The following MAN1C1 variants were observed in gnomAD, a reference collection of about 807,000 sequenced individuals.
MAN1C1 encodes mannosyl-oligosaccharide 1,2-alpha-mannosidase IC.
A neutral mutation model predicts 71.5 loss-of-function variants in MAN1C1; 49 were observed. The observed-to-expected ratio is 0.69, with a 90% CI of 0.54 to 0.87. The LOEUF (loss-of-function observed/expected upper bound fraction) is 0.87, where lower values mean the gene tolerates loss of function less well. Ranked by LOEUF, MAN1C1 falls within the 40% of genes least tolerant of loss-of-function variation. MAN1C1 has a pLI of 0.00. For missense variants in MAN1C1, 743 were observed against 835.0 expected (o/e 0.89, Z 1.36); for synonymous variants, 352 against 343.7 (o/e 1.02, Z -0.27).
chr1:25,700,509 C>T (rs2046427848), intron 2 of MAN1C1, among the ~76,000 whole-genome samples: 2 of 152,142 alleles, frequency 1.3e-5, no homozygotes, highest in Admixed American at 1.3e-4. Flanking sequence ...CAGAGTTGGG[C>T]AGAGGATGTG....
intron 2 of MAN1C1, among the ~76,000 whole-genome samples, chr1:25,712,553 T>C (rs2124252104): frequency 6.6e-6 from 1 of 152,308 alleles, no homozygotes; most frequent in Non-Finnish European, 1.5e-5. Context: ...ATCCTGATGG[T>C]TCTAGCATGT....
chr1:25,687,967 CATGTT>C (rs1444169635), intron 2 of MAN1C1, among the ~76,000 whole-genome samples: 2 of 151,562 alleles, frequency 1.3e-5, no homozygotes, highest in African/African-American at 4.9e-5. Flanking sequence ...TTTTTGACTT[CATGTT>C]ATATCGTGTT....
chr1:25,619,575 C>G (rs2045173967), intron 1 of MAN1C1, among the ~76,000 whole-genome samples: 1 of 152,156 alleles, frequency 6.6e-6, no homozygotes, highest in South Asian at 2.1e-4. Context: ...ACTTAACTAG[C>G]AATCACAGGA....
intron 7 of MAN1C1, among the ~76,000 whole-genome samples, chr1:25,770,684 C>T (rs1054530816): frequency 5.3e-5 from 8 of 152,096 alleles, no homozygotes; most frequent in African/African-American, 1.9e-4. Flanking sequence ...TAGCTGTTGA[C>T]GTGTTCTCTC....
intron 1 of MAN1C1, among the ~76,000 whole-genome samples, chr1:25,661,421 AAT>A (rs1319364703): frequency 6.6e-6 from 1 of 152,238 alleles, no homozygotes; most frequent in Non-Finnish European, 1.5e-5. Flanking sequence ...AAGCAAAATA[AAT>A]ATGTTAACGG....
chr1:25,628,458 T>C (rs191425958), intron 1 of MAN1C1, among the ~76,000 whole-genome samples: 223 of 152,158 alleles, frequency 1.5e-3, no homozygotes, highest in African/African-American at 5.1e-3. Flanking sequence ...CAGGTGCATG[T>C]CACCATGCCT....
intron 1 of MAN1C1, among the ~76,000 whole-genome samples, chr1:25,649,336 G>A (rs1479608977): frequency 6.6e-6 from 1 of 152,220 alleles, no homozygotes; most frequent in East Asian, 1.9e-4. Flanking sequence ...ATGCCAATAC[G>A]AAGTCACTTT....
chr1:25,693,602 G>C (rs1236372401), intron 2 of MAN1C1, among the ~76,000 whole-genome samples: 1 of 152,198 alleles, frequency 6.6e-6, no homozygotes, highest in Non-Finnish European at 1.5e-5. Flanking sequence ...CTGCACTCCA[G>C]CTTGGGCGAC....
chr1:25,692,429 G>C (rs546333390), intron 2 of MAN1C1, among the ~76,000 whole-genome samples: 3 of 152,154 alleles, frequency 2.0e-5, no homozygotes, highest in Non-Finnish European at 4.4e-5. Context: ...GTCTTGCTGT[G>C]TTGCCTGGGC....
intron 2 of MAN1C1, among the ~76,000 whole-genome samples, chr1:25,740,970 G>A (rs2742942): frequency 0.068 from 10,383 of 152,078 alleles, 457 homozygotes; most frequent in African/African-American, 0.12. Context: ...ACTGGATGAG[G>A]GGGTGTGAGA....
At chr1:25,677,874 A>C (rs1467843694) in intron 1 of MAN1C1, among the ~76,000 whole-genome samples, 1 of 75,568 alleles carries the variant, frequency 1.3e-5, no homozygotes, top group African/African-American at 5.3e-5. Flanking sequence ...TTTTTTTTTT[A>C]ATCAAAACCT....
chr1:25,619,318 C>G (rs539767566), intron 1 of MAN1C1, among the ~76,000 whole-genome samples: 2 of 152,284 alleles, frequency 1.3e-5, no homozygotes, highest in South Asian at 2.1e-4. Flanking sequence ...TCTCCCCTCC[C>G]CATGGACTCA....
intron 2 of MAN1C1, among the ~76,000 whole-genome samples, chr1:25,733,295 C>T (rs899115950): frequency 6.6e-6 from 1 of 152,166 alleles, no homozygotes; most frequent in African/African-American, 2.4e-5. Context: ...ACTCATCATA[C>T]AGCAGCCAGT....
At chr1:25,639,226 T>C (rs2045505741) in intron 1 of MAN1C1, among the ~76,000 whole-genome samples, 1 of 152,176 alleles carries the variant, frequency 6.6e-6, no homozygotes, top group African/African-American at 2.4e-5. Context: ...CTCTGAGATT[T>C]CCCATCTGTT....
intron 2 of MAN1C1, among the ~76,000 whole-genome samples, chr1:25,691,708 C>T (rs1184140846): frequency 6.6e-6 from 1 of 152,178 alleles, no homozygotes; most frequent in Non-Finnish European, 1.5e-5. Flanking sequence ...TTTTTTCCCC[C>T]AGCCCTCAAA....
At chr1:25,688,653 G>A (rs2046266844) in intron 2 of MAN1C1, among the ~76,000 whole-genome samples, 1 of 152,156 alleles carries the variant, frequency 6.6e-6, no homozygotes, top group Non-Finnish European at 1.5e-5. Context: ...AAAGAACCCG[G>A]AATTAGAATC....
chr1:25,767,421 CCA>C (rs1260751202), intron 7 of MAN1C1, among the ~76,000 whole-genome samples: 2 of 118,692 alleles, frequency 1.7e-5, no homozygotes, highest in African/African-American at 6.5e-5. Flanking sequence ...ACCCACCCTC[CCA>C]GACACACACA....
chr1:25,621,694 G>T lies in MAN1C1; in HGVS notation c.540+3357G>T, dbSNP rs141416478. On this transcript the variant is annotated intron_variant, in intron 1 of 11. Coordinates refer to ENST00000374332, the MANE Select transcript of MAN1C1 (RefSeq NM_020379.4). ...GCTGCAGTGCAGTGGCGTGGTCTTG[G>T]CTCACTGCAGCCTCCGCCTCCCAGG... 3.2e-4 allele frequency among the ~76,000 whole-genome samples: 49 copies of T among 152,088 alleles called. No individual in the cohort carries two copies. In the East Asian group the frequency reaches 5.2e-3, roughly 16 times the overall value.
At chr1:25,747,524 A>G (rs2047147028) in intron 3 of MAN1C1, among the ~76,000 whole-genome samples, 1 of 152,172 alleles carries the variant, frequency 6.6e-6, no homozygotes. Context: ...ATCCAAGCAC[A>G]CACCAGGCTC....
Sources: gnomAD v4.1 joint callset for allele counts (sites outside exome capture counted in the v4.1 genomes callset) on GRCh38, gnomAD v4.1.1 for gene constraint, MANE v1.5 for transcripts, NCBI Gene and HGNC (gene_info 2026-07-23, HGNC 2026-07-21) for gene names.